KCNH7: variants seen among roughly 807,000 people sequenced by gnomAD.
The protein encoded by KCNH7 is potassium voltage-gated channel subfamily H member 7.
In KCNH7, 49 loss-of-function variants were observed where a neutral mutation model predicts 120.8. The observed-to-expected ratio is 0.41, with a 90% CI of 0.32 to 0.51. The LOEUF (loss-of-function observed/expected upper bound fraction) is 0.51, where lower values mean the gene tolerates loss of function less well. Among genes scored for constraint, KCNH7 ranks in the 20% least tolerant of loss-of-function variants. The pLI is 0.38. For missense variants in KCNH7, 1,097 were observed against 1,446.6 expected, an observed-to-expected ratio of 0.76 and a Z score of 3.92; for synonymous variants, 547 against 516.1, an observed-to-expected ratio of 1.06 and a Z score of -0.81.
chr2:162,758,513 G>T (rs1688864342), intron 2 of KCNH7, among the ~76,000 whole-genome samples: 1 of 151,566 alleles, frequency 6.6e-6, no homozygotes, highest in African/African-American at 2.4e-5. Flanking sequence ...AAATAACTAT[G>T]GGTATATATA....
chr2:162,728,313 CT>C (rs1458755339), intron 2 of KCNH7, among the ~76,000 whole-genome samples: 1 of 151,998 alleles, frequency 6.6e-6, no homozygotes, highest in Non-Finnish European at 1.5e-5. Context: ...GGTGAAATGT[CT>C]CTACAAAGAT....
At chr2:162,422,410 T>C (rs892141707) in intron 9 of KCNH7, among the ~76,000 whole-genome samples, 6 of 152,308 alleles carry the variant, frequency 3.9e-5, no homozygotes, top group African/African-American at 1.4e-4. Context: ...TGCTTTTATT[T>C]TCTTAGAAAT....
At chr2:162,394,772 T>G (rs762945015) in intron 11 of KCNH7, among the ~76,000 whole-genome samples, 8 of 151,886 alleles carry the variant, frequency 5.3e-5, no homozygotes, top group Non-Finnish European at 1.2e-4. Flanking sequence ...ATAAAATATT[T>G]CTTTATGTGG....
chr2:162,491,952 A>G lies in KCNH7; in HGVS notation c.1128+12491T>C, dbSNP rs377218373. ...GGGTAATTGTGTCCTGTACTACAGG[A>G]CACTTCCCTTAGATGCATCCTCAAA... On this transcript the variant is annotated intron_variant, in intron 6 of 15. Transcript: ENST00000332142. Among the ~76,000 whole-genome samples, 9 of 152,154 alleles carry G rather than the reference A, an allele frequency of 5.9e-5. No individual in the cohort carries two copies. The East Asian group carries it at 1.7e-3, about 29-fold the overall frequency.
intron 2 of KCNH7, among the ~76,000 whole-genome samples, chr2:162,778,578 G>A (rs577696192): frequency 2.6e-5 from 4 of 152,170 alleles, no homozygotes; most frequent in South Asian, 2.1e-4. Context: ...CCTGGCACAC[G>A]GTAGATAAGC....
At chr2:162,698,774 T>C (rs1686388118) in intron 2 of KCNH7, among the ~76,000 whole-genome samples, 1 of 152,056 alleles carries the variant, frequency 6.6e-6, no homozygotes, top group Non-Finnish European at 1.5e-5. Context: ...TGGAGATAAA[T>C]GAGAAAATGC....
chr2:162,461,818 T>C (rs1380850470), intron 6 of KCNH7, among the ~76,000 whole-genome samples: 1 of 152,142 alleles, frequency 6.6e-6, no homozygotes. Flanking sequence ...GCAACAATCC[T>C]GGAACTAGGG....
intron 2 of KCNH7, among the ~76,000 whole-genome samples, chr2:162,775,013 T>G (rs1428531795): frequency 6.6e-6 from 1 of 152,212 alleles, no homozygotes; most frequent in African/African-American, 2.4e-5. Context: ...TGAGCAGCAT[T>G]GTACACAAAT....
intron 3 of KCNH7, among the ~76,000 whole-genome samples, chr2:162,522,565 T>C (rs994170976): frequency 2.0e-5 from 3 of 151,918 alleles, no homozygotes; most frequent in African/African-American, 4.8e-5. Context: ...AGTGTAATCC[T>C]GTTATGGATC....
chr2:162,465,927 G>A (rs1689291212), intron 6 of KCNH7, among the ~76,000 whole-genome samples: 1 of 152,032 alleles, frequency 6.6e-6, no homozygotes, highest in Non-Finnish European at 1.5e-5. Context: ...ATAGCATGTT[G>A]TTTTGAACTA....
At chr2:162,375,933 ACT>A (rs1393931630) in intron 14 of KCNH7, among the ~76,000 whole-genome samples, 1 of 151,876 alleles carries the variant, frequency 6.6e-6, no homozygotes, top group African/African-American at 2.4e-5. Flanking sequence ...GGACTCTTAT[ACT>A]GAGACTAAAT....
chr2:162,414,767 A>G (rs1053672096), intron 9 of KCNH7, among the ~76,000 whole-genome samples: 6 of 152,248 alleles, frequency 3.9e-5, no homozygotes, highest in Admixed American at 6.5e-5. Flanking sequence ...AAAATGTTGC[A>G]TTTTAAAAAT....
chr2:162,504,375 G>T, intron 6 of KCNH7, 68 bp downstream of exon 6: 1 of 1,175,764 alleles, frequency 8.5e-7, no homozygotes, highest in African/African-American at 1.5e-5. Flanking sequence ...ATAAGAAAAA[G>T]AATATGTTTC....
chr2:162,417,218 A>G (rs924990414), intron 9 of KCNH7, among the ~76,000 whole-genome samples: 1 of 152,192 alleles, frequency 6.6e-6, no homozygotes, highest in African/African-American at 2.4e-5. Flanking sequence ...TGATTCCATT[A>G]GGTTTAAGAA....
chr2:162,743,941 A>G (rs942601115), intron 2 of KCNH7, among the ~76,000 whole-genome samples: 10 of 152,168 alleles, frequency 6.6e-5, no homozygotes, highest in Non-Finnish European at 1.0e-4. Flanking sequence ...TATCTAGCAA[A>G]TTTCACATTC....
chr2:162,421,912 T>C (rs1161370825), intron 9 of KCNH7, among the ~76,000 whole-genome samples: 1 of 152,148 alleles, frequency 6.6e-6, no homozygotes, highest in Non-Finnish European at 1.5e-5. Context: ...GATTAAGAAT[T>C]CTTGACACTG....
At chr2:162,618,453 G>C (rs969853135) in intron 2 of KCNH7, among the ~76,000 whole-genome samples, 1 of 151,852 alleles carries the variant, frequency 6.6e-6, no homozygotes, top group Non-Finnish European at 1.5e-5. Context: ...ACACACATAC[G>C]TGCTTACATA....
intron 2 of KCNH7, among the ~76,000 whole-genome samples, chr2:162,822,446 G>T (rs897141034): frequency 7.2e-5 from 11 of 152,050 alleles, no homozygotes; most frequent in African/African-American, 2.4e-4. Context: ...GTGAGGACAG[G>T]GCAGAAAGGT....
chr2:162,729,822 A>C (rs1325363095), intron 2 of KCNH7, among the ~76,000 whole-genome samples: 1 of 152,104 alleles, frequency 6.6e-6, no homozygotes, highest in Non-Finnish European at 1.5e-5. Flanking sequence ...TTCTACAAAT[A>C]TGGTTACTGT....
Sources: gnomAD v4.1 joint callset for allele counts (sites outside exome capture counted in the v4.1 genomes callset) on GRCh38, gnomAD v4.1.1 for gene constraint, MANE v1.5 for transcripts, NCBI Gene and HGNC (gene_info 2026-07-23, HGNC 2026-07-21) for gene names.